Variants in C6orf89 observed in about 807,000 individuals in gnomAD.
C6orf89 encodes bombesin receptor-activated protein C6orf89.
A neutral mutation model predicts 40.7 loss-of-function variants in C6orf89; 29 were observed. The ratio of observed to expected loss-of-function variants is 0.71; its 90% CI spans 0.53 to 0.97. The LOEUF (loss-of-function observed/expected upper bound fraction) is 0.97. Among genes scored for constraint, C6orf89 ranks in the 50% least tolerant of loss-of-function variants. The pLI is 0.00. For synonymous variants in C6orf89, 165 were observed against 152.2 expected, an observed-to-expected ratio of 1.08 and a Z score of -0.62; for missense variants, 392 against 429.1, an observed-to-expected ratio of 0.91 and a Z score of 0.76.
intron 4 of C6orf89, among the ~76,000 whole-genome samples, chr6:36,911,654 G>A (rs1156837930): frequency 6.6e-6 from 1 of 152,104 alleles, no homozygotes; most frequent in Admixed American, 6.5e-5. Flanking sequence ...TGGGAAGACT[G>A]TCATAATTAA....
At chr6:36,907,019 A>AGCCTTCCTGCCT (rs1258532683) in intron 4 of C6orf89, among the ~76,000 whole-genome samples, 1 of 152,184 alleles carries the variant, frequency 6.6e-6, no homozygotes, top group Non-Finnish European at 1.5e-5. Flanking sequence ...CTGAAAAATC[A>AGCCTTCCTGCCT]GCCTTCCTGC....
intron 7 of C6orf89, among the ~76,000 whole-genome samples, chr6:36,916,853 G>A (rs1028673612): frequency 6.6e-6 from 1 of 152,142 alleles, no homozygotes; most frequent in Non-Finnish European, 1.5e-5. Context: ...TAAAAGAAGT[G>A]AAATCTTAAA....
intron 2 of C6orf89, among the ~76,000 whole-genome samples, chr6:36,880,855 G>A (rs1186818189): frequency 6.6e-6 from 1 of 152,224 alleles, no homozygotes; most frequent in Non-Finnish European, 1.5e-5. Flanking sequence ...AAAGAGGGAT[G>A]TTTAGGGCAA....
upstream of C6orf89, among the ~76,000 whole-genome samples, chr6:36,881,667 TC>T (rs1488045069): frequency 6.6e-6 from 1 of 152,070 alleles, no homozygotes; most frequent in Non-Finnish European, 1.5e-5. Context: ...AGAGTGAAAC[TC>T]CATCTCGAAA....
rs1418346422 is a variant in C6orf89 at position 36,926,039 on chromosome 6, C to A, written c.*2598C>A. 6.6e-6 allele frequency: 1 copy of A among 152,208 alleles called. No homozygotes were observed. Among genetic ancestry groups the A allele is most frequent in the South Asian group, 2.1e-4 (1 of 4,836 alleles). 9.4% of individuals were successfully genotyped at this position (152,208 alleles called of 1,614,324 possible). ...ATGAGTTAGGTTCACTTTCATGTGG[C>A]CTCCCACTACAGAGATGCGTATGCC... On this transcript the variant is annotated 3_prime_UTR_variant, in exon 9 of 9. Transcript: ENST00000480824.
In C6orf89 at chr6:36,928,708, G is replaced by A. The variant is rs1762765463; in HGVS notation, c.*5267G>A. 6.6e-6 allele frequency: 1 copy of A among 152,350 alleles called. No homozygotes were observed. The highest frequency in any genetic ancestry group is 1.5e-5 in the Non-Finnish European group (1 of 68,126). The allele number at this position is 152,350 out of a possible 1,614,324, so 9.4% of individuals were successfully genotyped here. On this transcript the variant is annotated 3_prime_UTR_variant, in exon 9 of 9. Coordinates refer to ENST00000480824, the MANE Select transcript of C6orf89 (RefSeq NM_001286635.2). Reference sequence around the variant, plus strand: ...GCGCAGTGCTCCCGCCATCATCGGGGACAGGTGCCAGGGTCAGCTGCAGCT... The same window carrying A: ...GCGCAGTGCTCCCGCCATCATCGGGAACAGGTGCCAGGGTCAGCTGCAGCT...
rs1202682236 is a variant in C6orf89 at position 36,925,908 on chromosome 6, C to T, written c.*2467C>T. The T allele has an allele frequency of 2.0e-5, 3 of 152,336 alleles. No homozygotes were observed. The East Asian group carries it at 5.8e-4, about 29-fold the overall frequency. 9.4% of individuals were successfully genotyped at this position (152,336 alleles called of 1,614,324 possible). ...TAAGACCACCTAACCAACTCCCCACCTCCACCACCACAATAAGAACAAAAC... is the reference window on the plus strand; with the variant it reads ...TAAGACCACCTAACCAACTCCCCACTTCCACCACCACAATAAGAACAAAAC... On this transcript the variant is annotated 3_prime_UTR_variant, in exon 9 of 9. Transcript: ENST00000480824.
intron 3 of C6orf89, among the ~76,000 whole-genome samples, chr6:36,900,255 G>T (rs1761620031): frequency 6.6e-6 from 1 of 151,090 alleles, no homozygotes; most frequent in African/African-American, 2.4e-5. Flanking sequence ...AGGCTGGAGT[G>T]CAGTGGCGTG....
rs897835244 is a variant in C6orf89 at position 36,925,939 on chromosome 6, G to A, written c.*2498G>A. 1 of 152,254 alleles carries A rather than the reference G, an allele frequency of 6.6e-6. No individual in the cohort carries two copies. Among genetic ancestry groups the A allele is most frequent in the African/African-American group, 2.4e-5 (1 of 41,452 alleles). The allele number at this position is 152,254 out of a possible 1,614,324, so 9.4% of individuals were successfully genotyped here. ...CACCACAATAAGAACAAAACTGTAGGGCTCTAAAGAGAGGGGGTGGTTTAC... is the reference window on the plus strand; with the variant it reads ...CACCACAATAAGAACAAAACTGTAGAGCTCTAAAGAGAGGGGGTGGTTTAC... On this transcript the variant is annotated 3_prime_UTR_variant, in exon 9 of 9. Coordinates refer to ENST00000480824, the MANE Select transcript of C6orf89 (RefSeq NM_001286635.2).
Position 36,903,957 on chromosome 6 carries a change from TA to T in C6orf89, c.403+1536del, listed in dbSNP as rs1262257204. 7.7e-3 allele frequency among the ~76,000 whole-genome samples: 1,089 copies of T among 141,476 alleles called. 5 individuals are homozygous for T. Among genetic ancestry groups the T allele is most frequent in the African/African-American group, 0.02 (774 of 38,766 alleles). 92.8% of individuals were successfully genotyped at this position (141,476 alleles called of 152,430 possible). A position where few individuals can be genotyped will look rare whatever the true frequency, so the allele number is the denominator to read the frequency against. On this transcript the variant is annotated intron_variant, in intron 4 of 8. Transcript: ENST00000480824. ...GCTTTTGAAATGTCACCAACAGAGC[TA>T]AAAAAAAAAAAATGCAGTCTCAAAC...
At chr6:36,910,072 A>G (rs963245162) in intron 4 of C6orf89, among the ~76,000 whole-genome samples, 4 of 152,028 alleles carry the variant, frequency 2.6e-5, no homozygotes, top group Admixed American at 2.6e-4. Flanking sequence ...ACACATTTTT[A>G]TACAGGTGAG....
chr6:36,916,601 C>G, intron 7 of C6orf89, 27 bp downstream of exon 7: 1 of 1,613,320 alleles, frequency 6.2e-7, no homozygotes, highest in Non-Finnish European at 8.5e-7. Context: ...GGACTTGGAT[C>G]TAGAATTTTC....
Position 36,914,643 on chromosome 6 carries a change from CA to C in C6orf89, c.647del (p.Lys216SerfsTer21), listed in dbSNP as rs766341213. 6.2e-7 allele frequency: 1 copy of C among 1,614,204 alleles called. No individual in the cohort carries two copies. Among genetic ancestry groups the C allele is most frequent in the South Asian group, 1.1e-5 (1 of 91,084 alleles). ...AAGGCTTCTCTGAAGGGTTTTTCGC[CA>C]AGTGGTGGCGCTGCTTTCCTGAGCG... is the stretch of plus-strand genomic sequence containing the variant. ...TEGFSEGFFA[K>X]WWRCFPERWF... On this transcript the variant is annotated frameshift_variant, in exon 6 of 9. Coordinates refer to ENST00000480824, the MANE Select transcript of C6orf89 (RefSeq NM_001286635.2). LOFTEE classifies it high-confidence loss of function.
intron 1 of C6orf89, among the ~76,000 whole-genome samples, chr6:36,887,322 C>T (rs1183434567): frequency 6.6e-6 from 1 of 152,146 alleles, no homozygotes; most frequent in Non-Finnish European, 1.5e-5. Context: ...TCAATTAGTT[C>T]GGAATGATAA....
intron 2 of C6orf89, among the ~76,000 whole-genome samples, chr6:36,880,106 G>A (rs1176417151): frequency 6.6e-6 from 1 of 151,976 alleles, no homozygotes; most frequent in African/African-American, 2.4e-5. Flanking sequence ...TTCCTTCCTC[G>A]AGCACCTAGG....
intron 4 of C6orf89, among the ~76,000 whole-genome samples, chr6:36,904,562 A>G (rs6932038): frequency 0.26 from 39,955 of 152,176 alleles, 5,685 homozygotes; most frequent in African/African-American, 0.36. Flanking sequence ...AGTTAAAAAC[A>G]CGTAATTATA....
chr6:36,901,066 G>A lies in C6orf89; in HGVS notation c.190-1155G>A, dbSNP rs184462532. 2.8e-3 allele frequency among the ~76,000 whole-genome samples: 430 copies of A among 150,936 alleles called. 1 individual carries two copies. Among genetic ancestry groups the A allele is most frequent in the Non-Finnish European group, 4.7e-3 (318 of 67,792 alleles). ...TTCACTATGTTGGTCAGCTGGTCTC[G>A]AACTCCTGACCTCAGGTGATCCACT... is the stretch of plus-strand genomic sequence containing the variant. On this transcript the variant is annotated intron_variant, in intron 3 of 8. Transcript: ENST00000480824.
chr6:36,901,065 C>CG (rs1295681346), intron 3 of C6orf89, among the ~76,000 whole-genome samples: 3 of 151,468 alleles, frequency 2.0e-5, no homozygotes, highest in African/African-American at 7.3e-5. Context: ...CAGCTGGTCT[C>CG]GAACTCCTGA....
At chr6:36,905,866 T>C (rs1276504920) in intron 4 of C6orf89, among the ~76,000 whole-genome samples, 1 of 152,188 alleles carries the variant, frequency 6.6e-6, no homozygotes, top group Admixed American at 6.5e-5. Flanking sequence ...TAAAGGAGCT[T>C]GCTTACCCAG....
Sources: gnomAD v4.1 joint callset for allele counts (sites outside exome capture counted in the v4.1 genomes callset) on GRCh38, gnomAD v4.1.1 for gene constraint, MANE v1.5 for transcripts, NCBI Gene and HGNC (gene_info 2026-07-23, HGNC 2026-07-21) for gene names.